The following CLPB variants were observed in gnomAD, a reference collection of about 807,000 sequenced individuals.
CLPB encodes the protein mitochondrial disaggregase.
Under a neutral mutation model 78.4 loss-of-function variants are expected in CLPB, and 40 were observed. The ratio of observed to expected loss-of-function variants is 0.51; its 90% CI spans 0.40 to 0.66. The LOEUF (loss-of-function observed/expected upper bound fraction) is 0.66, where lower values mean the gene tolerates loss of function less well. Among genes scored for constraint, CLPB ranks in the 30% least tolerant of loss-of-function variants. CLPB has a pLI of 0.00. For missense variants in CLPB, 780 were observed against 886.9 expected (o/e 0.88, Z 1.53); for synonymous variants, 333 against 348.0 (o/e 0.96, Z 0.48).
chr11:72,305,461 C>A (rs924007413), intron 9 of CLPB, among the ~76,000 whole-genome samples: 3 of 152,228 alleles, frequency 2.0e-5, no homozygotes, highest in African/African-American at 7.2e-5. Flanking sequence ...GATGAGCACA[C>A]AGCATCGTCA....
chr11:72,397,167 A>G (rs1351135421), intron 3 of CLPB, among the ~76,000 whole-genome samples: 3 of 152,166 alleles, frequency 2.0e-5, no homozygotes, highest in Non-Finnish European at 2.9e-5. Context: ...CAGAGCAGGT[A>G]GCTTTTTGTG....
chr11:72,433,006 ACT>A lies in CLPB; in HGVS notation c.403+1064_403+1065del, dbSNP rs796487003. ...AGGTCATCAGTCTGGCTCTCTGTCC[ACT>A]CTCTCAGCTGCTGCTTAGCTCCCCG... On this transcript the variant is annotated intron_variant, in intron 1 of 15. Coordinates refer to ENST00000538039, the MANE Select transcript of CLPB (RefSeq NM_001258392.3). 1.1e-4 allele frequency among the ~76,000 whole-genome samples: 17 copies of A among 151,988 alleles called. 1 individual carries two copies. Among genetic ancestry groups the A allele is most frequent in the African/African-American group, 4.1e-4 (17 of 41,452 alleles).
chr11:72,371,361 C>T (rs1215045528), intron 4 of CLPB, among the ~76,000 whole-genome samples: 2 of 151,906 alleles, frequency 1.3e-5, no homozygotes, highest in African/African-American at 2.4e-5. Context: ...GAAACCCTGT[C>T]TCTACTAAAA....
intron 2 of CLPB, among the ~76,000 whole-genome samples, chr11:72,404,839 C>T (rs1309111407): frequency 6.6e-6 from 1 of 152,122 alleles, no homozygotes. Flanking sequence ...TTTCTTACCT[C>T]TAGTTTGGAG....
chr11:72,335,723 CCAGA>C (rs1198322637), intron 5 of CLPB, among the ~76,000 whole-genome samples: 3 of 152,176 alleles, frequency 2.0e-5, no homozygotes, highest in Non-Finnish European at 4.4e-5. Context: ...TTCTTAGAAG[CCAGA>C]CACTGTGTTT....
At chr11:72,425,225 T>C (rs539681158) in intron 2 of CLPB, among the ~76,000 whole-genome samples, 1 of 152,356 alleles carries the variant, frequency 6.6e-6, no homozygotes, top group East Asian at 1.9e-4. Context: ...TCTACTAATT[T>C]TACAGTTGCA....
intron 5 of CLPB, among the ~76,000 whole-genome samples, chr11:72,332,293 G>C (rs1229884435): frequency 6.6e-6 from 1 of 150,402 alleles, no homozygotes; most frequent in Non-Finnish European, 1.5e-5. Flanking sequence ...GACCAGCCTG[G>C]CCAACATGGT....
chr11:72,367,264 A>C lies in CLPB; in HGVS notation c.647-8256T>G, dbSNP rs532051895. Among the ~76,000 whole-genome samples, 5 of 152,294 alleles carry C rather than the reference A, an allele frequency of 3.3e-5. No individual in the cohort carries two copies. In the East Asian group the frequency reaches 7.7e-4, roughly 24 times the overall value. On this transcript the variant is annotated intron_variant, in intron 4 of 15. Coordinates refer to ENST00000538039, the MANE Select transcript of CLPB (RefSeq NM_001258392.3). ...CTGCAACCTCTGCCTCCTGGATTCA[A>C]GTGATTCTCGTGCCTCAGCCTCCCG... is the stretch of plus-strand genomic sequence containing the variant.
intron 3 of CLPB, among the ~76,000 whole-genome samples, chr11:72,393,429 T>G (rs979013080): frequency 6.6e-6 from 1 of 152,224 alleles, no homozygotes; most frequent in East Asian, 1.9e-4. Flanking sequence ...AGTAGTTTTA[T>G]GTGCATTTTA....
intron 2 of CLPB, among the ~76,000 whole-genome samples, chr11:72,407,533 C>A (rs1046574718): frequency 6.6e-6 from 1 of 152,148 alleles, no homozygotes; most frequent in South Asian, 2.1e-4. Flanking sequence ...TTTCTCTAAA[C>A]CTGCTATCAT....
intron 5 of CLPB, among the ~76,000 whole-genome samples, chr11:72,335,971 G>A (rs1450954526): frequency 1.3e-5 from 2 of 152,138 alleles, no homozygotes; most frequent in Non-Finnish European, 2.9e-5. Context: ...TGGCAGAAGA[G>A]GTCAGGTCAG....
At chr11:72,416,330 A>C (rs545781617) in intron 2 of CLPB, among the ~76,000 whole-genome samples, 2 of 152,330 alleles carry the variant, frequency 1.3e-5, no homozygotes, top group Non-Finnish European at 2.9e-5. Context: ...ACTAACTACA[A>C]TTCTCTTACC....
intron 3 of CLPB, among the ~76,000 whole-genome samples, chr11:72,381,266 T>C (rs572552470): frequency 3.9e-5 from 6 of 152,256 alleles, no homozygotes; most frequent in Non-Finnish European, 8.8e-5. Flanking sequence ...GACTTTGCCT[T>C]GGACCCTGAA....
chr11:72,408,641 CG>C (rs1855782040), intron 2 of CLPB, among the ~76,000 whole-genome samples: 1 of 139,500 alleles, frequency 7.2e-6, no homozygotes, highest in Admixed American at 7.8e-5. Flanking sequence ...CACTCCAGCC[CG>C]GGTGACAGGG....
At chr11:72,366,412 A>T (rs974520334) in intron 4 of CLPB, among the ~76,000 whole-genome samples, 1 of 152,034 alleles carries the variant, frequency 6.6e-6, no homozygotes, top group Non-Finnish European at 1.5e-5. Flanking sequence ...CCTGTTTTCT[A>T]AAACAGGGTT....
intron 6 of CLPB, among the ~76,000 whole-genome samples, chr11:72,326,372 G>C (rs897176148): frequency 2.0e-5 from 3 of 152,064 alleles, no homozygotes; most frequent in African/African-American, 7.2e-5. Flanking sequence ...AGCTCCTTGA[G>C]TGTTTTACTC....
chr11:72,396,303 A>C (rs966077267), intron 3 of CLPB, among the ~76,000 whole-genome samples: 1 of 151,730 alleles, frequency 6.6e-6, no homozygotes, highest in Non-Finnish European at 1.5e-5. Flanking sequence ...AGGGAGGGAG[A>C]CTCTTGTGGG....
rs192301266 is a variant in CLPB at position 72,308,657 on chromosome 11, T to C, written c.989-53A>G. 6.8e-5 allele frequency: 101 copies of C among 1,488,436 alleles called. No individual in the cohort carries two copies. In the African/African-American group the frequency reaches 1.1e-3, roughly 16 times the overall value. 92.2% of individuals were successfully genotyped at this position (1,488,436 alleles called of 1,614,324 possible). A position where few individuals can be genotyped will look rare whatever the true frequency, so the allele number is the denominator to read the frequency against. Reference sequence around the variant, plus strand: ...ACAGGGAGGGAGGCAGATAAATCAATGACACAAAAGGCAGGATAATTATCA... The same window carrying C: ...ACAGGGAGGGAGGCAGATAAATCAACGACACAAAAGGCAGGATAATTATCA... On this transcript the variant is annotated intron_variant, in intron 7 of 15. Coordinates refer to ENST00000538039, the MANE Select transcript of CLPB (RefSeq NM_001258392.3).
chr11:72,354,452 A>C (rs1427930569), intron 5 of CLPB: 6 of 397,602 alleles, frequency 1.5e-5, no homozygotes, highest in Non-Finnish European at 2.7e-5. Flanking sequence ...TGCCGGTGGG[A>C]TCACATCCCT....
Sources: gnomAD v4.1 joint callset for allele counts (sites outside exome capture counted in the v4.1 genomes callset) on GRCh38, gnomAD v4.1.1 for gene constraint, MANE v1.5 for transcripts, NCBI Gene and HGNC (gene_info 2026-07-23, HGNC 2026-07-21) for gene names.